CCDC192: variants seen among roughly 807,000 people sequenced by gnomAD.
CCDC192 encodes the protein coiled-coil domain-containing protein 192.
chr5:127,760,927 T>A (rs1313048767), intron 3 of CCDC192, among the ~76,000 whole-genome samples: 3 of 152,002 alleles, frequency 2.0e-5, no homozygotes, highest in African/African-American at 7.3e-5. Context: ...ACCCGTAATT[T>A]GTATTTGAAG....
chr5:127,748,932 T>A (rs1451051180), intron 2 of CCDC192, among the ~76,000 whole-genome samples: 1 of 152,078 alleles, frequency 6.6e-6, no homozygotes, highest in African/African-American at 2.4e-5. Context: ...TGTATAGGAA[T>A]GCCTGTGATT....
At chr5:127,918,686 AG>A (rs1753600493) in intron 6 of CCDC192, among the ~76,000 whole-genome samples, 1 of 152,218 alleles carries the variant, frequency 6.6e-6, no homozygotes, top group African/African-American at 2.4e-5. Flanking sequence ...TTTATATAAA[AG>A]TGTAGCATTG....
In CCDC192 at chr5:127,775,579, G is replaced by A. The variant is rs181866737; in HGVS notation, c.222+21204G>A. ...GGCAATCATCTCCTGATTTCTTAGC[G>A]TCATCACACCTGAATAATAATAAAG... On this transcript the variant is annotated intron_variant, in intron 3 of 6. Transcript: ENST00000514853. 2.7e-3 allele frequency among the ~76,000 whole-genome samples: 406 copies of A among 152,178 alleles called. 4 individuals carry two copies. Among genetic ancestry groups the A allele is most frequent in the African/African-American group, 9.3e-3 (386 of 41,514 alleles).
chr5:127,885,118 T>TAA (rs34554412), intron 6 of CCDC192, among the ~76,000 whole-genome samples: 217 of 149,390 alleles, frequency 1.5e-3, no homozygotes, highest in Non-Finnish European at 2.4e-3. Flanking sequence ...TTTGTTTGTT[T>TAA]AAAAAAAAAA....
chr5:127,864,689 C>T (rs1476012560), intron 5 of CCDC192, among the ~76,000 whole-genome samples: 1 of 152,142 alleles, frequency 6.6e-6, no homozygotes, highest in Admixed American at 6.5e-5. Flanking sequence ...TTCACATCAC[C>T]ACCACACCTT....
chr5:127,797,002 TAGATACTGGTGGA>T, intron 3 of CCDC192, 88 bp from the exon 4 acceptor site: 2 of 382,274 alleles, frequency 5.2e-6, no homozygotes, highest in Non-Finnish European at 9.3e-6. Flanking sequence ...TCATATTTAG[TAGATACTGGTGGA>T]AGATAAATTA....
intron 6 of CCDC192, among the ~76,000 whole-genome samples, chr5:127,897,545 G>C (rs1689665883): frequency 6.6e-6 from 1 of 152,170 alleles, no homozygotes; most frequent in South Asian, 2.1e-4. Context: ...GCCACTTTTA[G>C]AGGAAGAAAT....
intron 6 of CCDC192, among the ~76,000 whole-genome samples, chr5:127,939,898 C>T (rs747758764): frequency 1.3e-5 from 2 of 152,204 alleles, no homozygotes; most frequent in Non-Finnish European, 2.9e-5. Context: ...GCATCAGGTT[C>T]ATTCATACAT....
At chr5:127,924,450 C>G (rs1753811942) in intron 6 of CCDC192, among the ~76,000 whole-genome samples, 1 of 152,148 alleles carries the variant, frequency 6.6e-6, no homozygotes, top group South Asian at 2.1e-4. Flanking sequence ...TCCTAAGATT[C>G]TTAGCATTTG....
intron 5 of CCDC192, among the ~76,000 whole-genome samples, chr5:127,840,762 G>C (rs1750246731): frequency 6.6e-6 from 1 of 152,142 alleles, no homozygotes; most frequent in Non-Finnish European, 1.5e-5. Context: ...AAGAGAAAGA[G>C]TTACTAGAAG....
chr5:127,727,471 T>TA (rs59166679), intron 2 of CCDC192, among the ~76,000 whole-genome samples: 19 of 146,334 alleles, frequency 1.3e-4, no homozygotes, highest in African/African-American at 3.0e-4. Context: ...AAACTCCATC[T>TA]AAAAAAAGAA....
At chr5:127,845,704 A>G (rs1334897263) in intron 5 of CCDC192, among the ~76,000 whole-genome samples, 1 of 152,222 alleles carries the variant, frequency 6.6e-6, no homozygotes, top group Non-Finnish European at 1.5e-5. Flanking sequence ...TAAATAGATG[A>G]TAGACAGAAA....
chr5:127,765,022 T>C (rs1423324188), intron 3 of CCDC192, among the ~76,000 whole-genome samples: 2 of 152,182 alleles, frequency 1.3e-5, no homozygotes, highest in Non-Finnish European at 2.9e-5. Context: ...TGCAAATCTC[T>C]TGAGGTTATT....
chr5:127,773,967 A>T (rs896069990), intron 3 of CCDC192, among the ~76,000 whole-genome samples: 2 of 152,188 alleles, frequency 1.3e-5, no homozygotes, highest in African/African-American at 4.8e-5. Context: ...AGTAGGTATG[A>T]AGTAGAATCT....
At chr5:127,720,134 A>G (rs896491611) in intron 2 of CCDC192, among the ~76,000 whole-genome samples, 1 of 152,228 alleles carries the variant, frequency 6.6e-6, no homozygotes, top group Non-Finnish European at 1.5e-5. Flanking sequence ...TCTACAGTCC[A>G]AAGTATCTTC....
intron 2 of CCDC192, among the ~76,000 whole-genome samples, chr5:127,747,060 C>G (rs1483137918): frequency 1.4e-5 from 2 of 148,094 alleles, no homozygotes; most frequent in East Asian, 2.0e-4. Flanking sequence ...TGTAGGAATG[C>G]AGTTCATTCT....
intron 6 of CCDC192, among the ~76,000 whole-genome samples, chr5:127,928,521 C>A (rs1278962623): frequency 6.6e-6 from 1 of 152,178 alleles, no homozygotes; most frequent in Non-Finnish European, 1.5e-5. Context: ...ATCTTCCCAT[C>A]TCAAAATTCT....
At chr5:127,853,542 T>A (rs1453539253) in intron 5 of CCDC192, among the ~76,000 whole-genome samples, 2 of 152,118 alleles carry the variant, frequency 1.3e-5, no homozygotes, top group African/African-American at 4.8e-5. Flanking sequence ...GGAGGTTGAT[T>A]CGGGCAGATC....
chr5:127,773,503 G>C (rs1233446015), intron 3 of CCDC192, among the ~76,000 whole-genome samples: 2 of 152,014 alleles, frequency 1.3e-5, no homozygotes, highest in Non-Finnish European at 2.9e-5. Context: ...ATTTATTCTG[G>C]ATATTTCAGA....
Sources: gnomAD v4.1 joint callset for allele counts (sites outside exome capture counted in the v4.1 genomes callset) on GRCh38, gnomAD v4.1.1 for gene constraint, MANE v1.5 for transcripts, NCBI Gene and HGNC (gene_info 2026-07-23, HGNC 2026-07-21) for gene names.